GARIN1A: variants seen among roughly 807,000 people sequenced by gnomAD.
GARIN1A encodes the protein golgi associated RAB2 interactor 1A.
the GARIN1A span, among the ~76,000 whole-genome samples, chr7:128,705,557 T>A: frequency 6.6e-6 from 1 of 152,026 alleles, no homozygotes; most frequent in African/African-American, 2.4e-5. Context: ...TACCATTTCT[T>A]CATCAAACTT....
the GARIN1A span, among the ~76,000 whole-genome samples, chr7:128,699,516 C>G: frequency 5.9e-5 from 9 of 152,246 alleles, no homozygotes; most frequent in African/African-American, 1.9e-4. Context: ...TCACTGAATC[C>G]CACAGCCTAG....
At chr7:128,688,612 G>A in the GARIN1A span, among the ~76,000 whole-genome samples, 1 of 152,100 alleles carries the variant, frequency 6.6e-6, no homozygotes, top group Non-Finnish European at 1.5e-5. Flanking sequence ...CTAAGCCCTT[G>A]ATGGTTTTGC....
chr7:128,693,778 T>C, the GARIN1A span: 2 of 153,754 alleles, frequency 1.3e-5, no homozygotes, highest in South Asian at 2.1e-4. Flanking sequence ...AGCAAAGCCA[T>C]GTGCTTGTAG....
the GARIN1A span, among the ~76,000 whole-genome samples, chr7:128,676,570 C>G: frequency 6.6e-6 from 1 of 151,852 alleles, no homozygotes; most frequent in Non-Finnish European, 1.5e-5. Context: ...TGACAAGTCC[C>G]TAATATTAGA....
chr7:128,703,784 AAAAAAG>A, the GARIN1A span, among the ~76,000 whole-genome samples: 197 of 152,250 alleles, frequency 1.3e-3, 1 homozygote, highest in African/African-American at 4.7e-3. Context: ...CTCAAAAAAA[AAAAAAG>A]AAAAAGAAAG....
chr7:128,681,881 A>AC, the GARIN1A span, among the ~76,000 whole-genome samples: 6,495 of 126,762 alleles, frequency 0.051, 129 homozygotes, highest in Middle Eastern at 0.1. Context: ...GCCACACTGC[A>AC]CCCCCCCCCA....
At chr7:128,688,640 ATCT>A in the GARIN1A span, among the ~76,000 whole-genome samples, 1 of 152,026 alleles carries the variant, frequency 6.6e-6, no homozygotes, top group Non-Finnish European at 1.5e-5. Flanking sequence ...GAGTTGTGTG[ATCT>A]TCTTTTGACT....
chr7:128,673,644 G>A, the GARIN1A span, among the ~76,000 whole-genome samples: 1 of 152,188 alleles, frequency 6.6e-6, no homozygotes, highest in Non-Finnish European at 1.5e-5. Context: ...TTAATTTGGA[G>A]ACTCTTCACA....
At chr7:128,696,664 C>T in the GARIN1A span, among the ~76,000 whole-genome samples, 1 of 151,280 alleles carries the variant, frequency 6.6e-6, no homozygotes. Flanking sequence ...GACCCTGTCT[C>T]AAAAAAAAGA....
At chr7:128,678,716 C>T in the GARIN1A span, among the ~76,000 whole-genome samples, 6 of 151,130 alleles carry the variant, frequency 4.0e-5, no homozygotes, top group East Asian at 3.9e-4. Flanking sequence ...AGGAGAATTG[C>T]TTAAACTCAG....
At chr7:128,674,092 A>C in the GARIN1A span, among the ~76,000 whole-genome samples, 14 of 151,926 alleles carry the variant, frequency 9.2e-5, no homozygotes, top group Non-Finnish European at 1.5e-4. Context: ...ATGGGGTTTC[A>C]CCATGTTGGC....
At chr7:128,678,763 TTACTC>T in the GARIN1A span, among the ~76,000 whole-genome samples, 1 of 151,430 alleles carries the variant, frequency 6.6e-6, no homozygotes, top group Non-Finnish European at 1.5e-5. Context: ...TTATGCCACT[TTACTC>T]CAGCCTGGGC....
the GARIN1A span, among the ~76,000 whole-genome samples, chr7:128,678,499 C>G: frequency 6.6e-6 from 1 of 152,090 alleles, no homozygotes. Context: ...ATTATACTCT[C>G]ACCAATCATA....
the GARIN1A span, among the ~76,000 whole-genome samples, chr7:128,681,881 A>ACCCC: frequency 7.2e-4 from 92 of 127,206 alleles, no homozygotes; most frequent in Middle Eastern, 3.9e-3. Context: ...GCCACACTGC[A>ACCCC]CCCCCCCCCA....
chr7:128,678,015 C>CTT, the GARIN1A span: 19,163 of 170,910 alleles, frequency 0.11, 1,926 homozygotes, highest in African/African-American at 0.16. Flanking sequence ...AGAAATGTTT[C>CTT]TTTTTTTTTT....
chr7:128,703,863 C>A, the GARIN1A span, among the ~76,000 whole-genome samples: 1 of 151,924 alleles, frequency 6.6e-6, no homozygotes, highest in Non-Finnish European at 1.5e-5. Context: ...CCAATTAGGG[C>A]TTGGGGGAAG....
chr7:128,678,002 T>G, the GARIN1A span: 2 of 368,782 alleles, frequency 5.4e-6, no homozygotes, highest in East Asian at 5.0e-5. Flanking sequence ...TATTAAGACA[T>G]TTAGAAATGT....
chr7:128,687,593 T>A, the GARIN1A span: 4 of 152,100 alleles, frequency 2.6e-5, no homozygotes, highest in Non-Finnish European at 1.5e-5. Flanking sequence ...TCCATGGCAG[T>A]CTCTTTGCTC....
the GARIN1A span, among the ~76,000 whole-genome samples, chr7:128,706,857 G>A: frequency 1.3e-5 from 2 of 152,146 alleles, no homozygotes; most frequent in Admixed American, 1.3e-4. Flanking sequence ...CAGTAAGGCA[G>A]CTCCTCGTGG....
Sources: allele counts gnomAD v4.1 joint callset (sites outside exome capture counted in the v4.1 genomes callset), GRCh38; gene constraint gnomAD v4.1.1; transcripts MANE v1.5; gene names NCBI Gene and HGNC (gene_info 2026-07-23, HGNC 2026-07-21).